MTMR3: variants seen among roughly 807,000 people sequenced by gnomAD.
MTMR3 encodes the protein myotubularin related protein 3.
Under a neutral mutation model 132.4 loss-of-function variants are expected in MTMR3, and 32 were observed. The ratio of observed to expected loss-of-function variants is 0.24; its 90% CI spans 0.18 to 0.32. The LOEUF is 0.32. MTMR3 is among the 10% of genes least tolerant of loss of function. The pLI, the probability that MTMR3 is intolerant of heterozygous loss-of-function variation, is 1.00. For synonymous variants in MTMR3, 556 were observed against 550.3 expected (o/e 1.01, Z -0.14); for missense variants, 1,216 against 1,489.6 (o/e 0.82, Z 3.02).
At chr22:29,985,725 G>A (rs951815193) in intron 5 of MTMR3, 27 of 152,290 alleles carry the variant, frequency 1.8e-4, no homozygotes, top group African/African-American at 6.5e-4. Flanking sequence ...ACACATGGTT[G>A]ATTTTGGTGA....
At position 30,028,388 on chromosome 22, in the gene MTMR3, C is replaced by T. The variant is rs11552852; in HGVS notation, c.*2587C>T. On this transcript the variant is annotated 3_prime_UTR_variant, in exon 20 of 20. Coordinates refer to ENST00000401950, the MANE Select transcript of MTMR3 (RefSeq NM_021090.4). ...TGCAGTCAACTAGAGGTCTCCTTCC[C>T]GCCCTCTCTCCACACAGAGAGGAAC... 8,980 of 152,402 alleles carry T rather than the reference C, an allele frequency of 0.059. 350 individuals are homozygous for T. Among genetic ancestry groups the T allele is most frequent in the Non-Finnish European group, 0.082 (5,594 of 68,036 alleles). 9.4% of individuals were successfully genotyped at this position (152,402 alleles called of 1,614,324 possible). A position where few individuals can be genotyped will look rare whatever the true frequency, so the allele number is the denominator to read the frequency against.
chr22:29,914,986 TG>T lies in MTMR3; in HGVS notation c.-138+31629del, dbSNP rs149944109. Among the ~76,000 whole-genome samples, 102 of 152,344 alleles carry T rather than the reference TG, an allele frequency of 6.7e-4. 1 individual carries two copies. The East Asian group carries it at 0.012, about 18-fold the overall frequency. On this transcript the variant is annotated intron_variant, in intron 1 of 19. Coordinates refer to ENST00000401950, the MANE Select transcript of MTMR3 (RefSeq NM_021090.4). ...TACTGTTACTAATTTAATTCCATTG[TG>T]GTCAGAGAACATACTCTATAGGATT...
At position 29,921,342 on chromosome 22, in the gene MTMR3, G is replaced by A. The variant is rs868645996; in HGVS notation, c.-137-35694G>A. ...GAACTTGCTTATTACCGAGGGGAGG[G>A]CACCAAGCCATATTAGGGATGTGCC... On this transcript the variant is annotated intron_variant, in intron 1 of 19. Transcript: ENST00000401950. 5.3e-5 allele frequency among the ~76,000 whole-genome samples: 8 copies of A among 152,164 alleles called. 1 individual carries two copies. In the Middle Eastern group the frequency reaches 0.017, roughly 323 times the overall value.
chr22:30,016,596 A>G lies in MTMR3; in HGVS notation c.1572A>G (p.Arg524=). ...GTFLCNNAKE[R]GEKHTQERTC... ...TCCTGTGCAACAACGCCAAGGAGAG[A>G]GGGGAAAAGCATACTCAGGAACGGA... is the stretch of plus-strand genomic sequence containing the variant. Residue 524 remains arginine (R), a synonymous_variant, in exon 15 of 20, where the codon AGA becomes AGG. Transcript: ENST00000401950. 6.2e-7 allele frequency: 1 copy of G among 1,614,122 alleles called. No homozygotes were observed. Among genetic ancestry groups the G allele is most frequent in the Non-Finnish European group, 8.5e-7 (1 of 1,180,022 alleles).
At chr22:29,958,673 A>G (rs1166314661) in intron 2 of MTMR3, among the ~76,000 whole-genome samples, 1 of 152,106 alleles carries the variant, frequency 6.6e-6, no homozygotes, top group Non-Finnish European at 1.5e-5. Context: ...TGCTTTTTGC[A>G]TTACCATGGA....
chr22:29,902,523 C>T (rs983675835), intron 1 of MTMR3, among the ~76,000 whole-genome samples: 3 of 151,782 alleles, frequency 2.0e-5, no homozygotes, highest in Non-Finnish European at 2.9e-5. Flanking sequence ...CCCACCACCA[C>T]GCCTGGCTAA....
At chr22:29,940,931 C>G (rs2065845265) in intron 1 of MTMR3, among the ~76,000 whole-genome samples, 1 of 150,042 alleles carries the variant, frequency 6.7e-6, no homozygotes, top group Non-Finnish European at 1.5e-5. Flanking sequence ...AAATATAACA[C>G]TGACCTTGGG....
chr22:30,018,273 C>T, intron 16 of MTMR3: 2 of 555,640 alleles, frequency 3.6e-6, no homozygotes, highest in South Asian at 3.0e-5. Flanking sequence ...GTGAGTTAGG[C>T]CCTGTTGCTT....
At chr22:29,907,788 CT>C (rs917811348) in intron 1 of MTMR3, among the ~76,000 whole-genome samples, 1 of 151,532 alleles carries the variant, frequency 6.6e-6, no homozygotes, top group Non-Finnish European at 1.5e-5. Context: ...GTATCTGTAT[CT>C]TTTTTTTTGA....
intron 12 of MTMR3, chr22:30,012,002 C>T: frequency 6.3e-6 from 1 of 159,984 alleles, no homozygotes; most frequent in Non-Finnish European, 1.4e-5. Context: ...TAAATATCTT[C>T]TGTTTTACAT....
intron 1 of MTMR3, among the ~76,000 whole-genome samples, chr22:29,928,951 T>G (rs981279824): frequency 6.6e-6 from 1 of 152,200 alleles, no homozygotes; most frequent in African/African-American, 2.4e-5. Flanking sequence ...TCAAAGTAGC[T>G]TTAGCAGTTT....
chr22:29,929,726 A>G (rs976369532), intron 1 of MTMR3, among the ~76,000 whole-genome samples: 2 of 152,034 alleles, frequency 1.3e-5, no homozygotes, highest in African/African-American at 4.8e-5. Context: ...GTTAGTCAGG[A>G]TGGTCTTGAT....
intron 3 of MTMR3, among the ~76,000 whole-genome samples, chr22:29,973,924 C>T (rs1386391841): frequency 6.6e-6 from 1 of 152,118 alleles, no homozygotes. Context: ...AAATATTTAT[C>T]TCTATGGTTG....
At chr22:29,986,618 C>T in intron 5 of MTMR3, 1 of 978,314 alleles carries the variant, frequency 1.0e-6, no homozygotes, top group Non-Finnish European at 1.2e-6. Context: ...AGGCCAAAAG[C>T]TCCTTTTGTT....
Position 30,027,045 on chromosome 22 carries a change from A to C in MTMR3, c.*1244A>C, listed in dbSNP as rs1601450849. On this transcript the variant is annotated 3_prime_UTR_variant, in exon 20 of 20. Transcript: ENST00000401950. ...GAGGAGATTCAGGGCACCTTTCCTC[A>C]GTGAGCTTTGATATGGTCCAAAAAC... 2.6e-5 allele frequency: 4 copies of C among 152,886 alleles called. No individual in the cohort carries two copies. The highest frequency in any genetic ancestry group is 3.4e-3 in the Middle Eastern group (1 of 294). The allele number at this position is 152,886 out of a possible 1,614,324, so 9.5% of individuals were successfully genotyped here.
intron 1 of MTMR3, among the ~76,000 whole-genome samples, chr22:29,945,270 G>A (rs545045371): frequency 6.6e-6 from 1 of 152,250 alleles, no homozygotes; most frequent in Admixed American, 6.5e-5. Context: ...CTCTTAAAGT[G>A]GTGGAATTAC....
chr22:29,981,493 G>C (rs1454421989), intron 5 of MTMR3: 1 of 151,804 alleles, frequency 6.6e-6, no homozygotes, highest in Admixed American at 6.6e-5. Flanking sequence ...TTTTTTTTCT[G>C]TTAGCATCAT....
intron 4 of MTMR3, 103 bp from the exon 5 acceptor site, chr22:29,978,833 A>G (rs1457033169): frequency 2.3e-6 from 2 of 871,686 alleles, no homozygotes; most frequent in Non-Finnish European, 1.9e-6. Flanking sequence ...TGTGTTTTCA[A>G]CTTCAGTGGC....
chr22:29,999,509 A>C (rs984190982), intron 8 of MTMR3: 40 of 152,314 alleles, frequency 2.6e-4, no homozygotes, highest in African/African-American at 9.6e-4. Context: ...GTTTTTTACG[A>C]AAAGTTTTGA....
Sources: gnomAD v4.1 joint callset for allele counts (sites outside exome capture counted in the v4.1 genomes callset) on GRCh38, gnomAD v4.1.1 for gene constraint, MANE v1.5 for transcripts, NCBI Gene and HGNC (gene_info 2026-07-23, HGNC 2026-07-21) for gene names.